ZNF608: variants seen among roughly 807,000 people sequenced by gnomAD.
ZNF608 encodes the protein renal carcinoma antigen NY-REN-36.
ZNF608 carries 12 observed loss-of-function variants against 109.0 expected under a neutral mutation model. The ratio of observed to expected loss-of-function variants is 0.11; its 90% CI spans 0.07 to 0.18. The LOEUF (loss-of-function observed/expected upper bound fraction) is 0.18, where lower values mean the gene tolerates loss of function less well. ZNF608 is among the 10% of genes least tolerant of loss of function. The pLI is 1.00. For synonymous variants in ZNF608, 732 were observed against 717.4 expected (o/e 1.02, Z -0.33); for missense variants, 1,707 against 1,879.3 (o/e 0.91, Z 1.70).
intron 3 of ZNF608, among the ~76,000 whole-genome samples, chr5:124,698,275 A>G (rs1343829258): frequency 6.6e-6 from 1 of 152,236 alleles, no homozygotes; most frequent in African/African-American, 2.4e-5. Flanking sequence ...CTTTAAACAC[A>G]CTATAGTGAG....
chr5:124,644,679 A>G lies in ZNF608; in HGVS notation c.3706-18T>C, dbSNP rs758996937. ...TCTGGGTCCTGATTTTTTTGTTTTA[A>G]AGAAAAAAAACCCAACAGATTTGTT... On this transcript the variant is annotated intron_variant, in intron 5 of 9. Transcript: ENST00000513986. 6.6e-7 allele frequency: 1 copy of G among 1,521,126 alleles called. No homozygotes were observed. Among genetic ancestry groups the G allele is most frequent in the African/African-American group, 1.4e-5 (1 of 71,608 alleles). The allele number at this position is 1,521,126 out of a possible 1,614,324, so 94.2% of individuals were successfully genotyped here.
intron 3 of ZNF608, among the ~76,000 whole-genome samples, chr5:124,678,087 T>C (rs1349231453): frequency 6.6e-6 from 1 of 152,122 alleles, no homozygotes; most frequent in Admixed American, 6.5e-5. Context: ...TGACTAGAAG[T>C]TTGTTCAAAT....
intron 2 of ZNF608, among the ~76,000 whole-genome samples, chr5:124,721,974 A>AAAAAAAAAAAAAAAAAAAAAAAC (rs1753938614): frequency 7.1e-6 from 1 of 139,972 alleles, no homozygotes; most frequent in Admixed American, 7.4e-5. Context: ...AAAAAAAAAG[A>AAAAAAAAAAAAAAAAAAAAAAAC]ACTCAAAGCC....
chr5:124,690,804 C>T (rs1386289929), intron 3 of ZNF608, among the ~76,000 whole-genome samples: 3 of 151,872 alleles, frequency 2.0e-5, no homozygotes, highest in African/African-American at 7.3e-5. Flanking sequence ...TAAAAAGATT[C>T]CACAGAGTAA....
intron 2 of ZNF608, chr5:124,710,559 C>A (rs1370123093): frequency 4.6e-6 from 1 of 218,370 alleles, no homozygotes; most frequent in Non-Finnish European, 9.4e-6. Flanking sequence ...ACTCCCTGTA[C>A]AGGACACTAT....
intron 3 of ZNF608, among the ~76,000 whole-genome samples, chr5:124,680,893 G>C (rs1313502606): frequency 6.6e-6 from 1 of 151,854 alleles, no homozygotes; most frequent in East Asian, 1.9e-4. Context: ...AACTACATGA[G>C]GGAAATGAAA....
At chr5:124,683,034 CT>C (rs1580614674) in intron 3 of ZNF608, among the ~76,000 whole-genome samples, 5 of 152,174 alleles carry the variant, frequency 3.3e-5, no homozygotes, top group Non-Finnish European at 7.4e-5. Flanking sequence ...CTCTCTCTCT[CT>C]CTCCCCCTCT....
intron 3 of ZNF608, among the ~76,000 whole-genome samples, chr5:124,690,971 CA>C (rs1226591116): frequency 7.3e-6 from 1 of 136,578 alleles, no homozygotes; most frequent in East Asian, 2.2e-4. Flanking sequence ...GAAAAGTGTG[CA>C]AAATTTTTTA....
chr5:124,710,149 A>G (rs1169238349), intron 2 of ZNF608: 1 of 439,494 alleles, frequency 2.3e-6, no homozygotes, highest in South Asian at 1.7e-5. Flanking sequence ...TTAGGTTGAA[A>G]TCAGGGAAAG....
intron 3 of ZNF608, among the ~76,000 whole-genome samples, chr5:124,689,899 T>C (rs1015140162): frequency 5.3e-5 from 8 of 152,238 alleles, no homozygotes; most frequent in Non-Finnish European, 1.2e-4. Flanking sequence ...TTAAAAACTT[T>C]ATGTCCACAC....
chr5:124,741,050 G>A (rs1749373733), intron 2 of ZNF608, among the ~76,000 whole-genome samples: 1 of 152,100 alleles, frequency 6.6e-6, no homozygotes, highest in Non-Finnish European at 1.5e-5. Flanking sequence ...ACAACCAAAA[G>A]CCAACCCATC....
chr5:124,747,174 T>C (rs950528198), upstream of ZNF608, among the ~76,000 whole-genome samples: 1 of 151,804 alleles, frequency 6.6e-6, no homozygotes, highest in African/African-American at 2.4e-5. Flanking sequence ...TTTTCTTTTT[T>C]TTTTTTTTTA....
chr5:124,648,377 T>A lies in ZNF608; in HGVS notation c.2007A>T (p.Glu669Asp), dbSNP rs1395833178. The A allele has an allele frequency of 6.2e-7, 1 of 1,614,164 alleles. No homozygotes were observed. Among genetic ancestry groups the A allele is most frequent in the East Asian group, 2.2e-5 (1 of 44,870 alleles). Residue 669 changes from glutamate to aspartate, a missense_variant, in exon 5 of 10, where the codon GAA becomes GAT. By Grantham distance (45) the Glu-to-Asp change is conservative. This residue lies in a region of ZNF608 where 1,073 missense variants were observed against 1,133.5 expected (regional missense o/e 0.95). Transcript: ENST00000513986. ...TGGAGATTACTGGAAGGTTGTTCAG[T>A]TCATTGTTAAGGCCCTTCTTTTTGC... Reference protein sequence around the residue: ...NSGKKKGLNNELNNLPVISNM... With the variant: ...NSGKKKGLNNDLNNLPVISNM...
At position 124,745,178 on chromosome 5, in the gene ZNF608, A is replaced by G; in HGVS notation, c.-183-6T>C. The G allele has an allele frequency of 1.4e-6, 2 of 1,394,414 alleles. No homozygotes were observed. Among genetic ancestry groups the G allele is most frequent in the Non-Finnish European group, 1.8e-6 (2 of 1,085,074 alleles). 86.4% of individuals were successfully genotyped at this position (1,394,414 alleles called of 1,614,324 possible). On this transcript the variant is annotated splice_polypyrimidine_tract_variant and splice_region_variant and intron_variant, in intron 1 of 9. Transcript: ENST00000513986. ...CAGTCCAGGTCCACCTTTTCCTGTG[A>G]AGGGGGGGGGAAAAGTCGAATATTT...
At chr5:124,715,423 C>T (rs1753651700) in intron 2 of ZNF608, among the ~76,000 whole-genome samples, 1 of 152,160 alleles carries the variant, frequency 6.6e-6, no homozygotes, top group Non-Finnish European at 1.5e-5. Context: ...ACAGAGCTTG[C>T]CATATCTGCA....
At chr5:124,738,641 C>T (rs1369483421) in intron 2 of ZNF608, among the ~76,000 whole-genome samples, 1 of 152,216 alleles carries the variant, frequency 6.6e-6, no homozygotes, top group African/African-American at 2.4e-5. Flanking sequence ...AAAACATACA[C>T]TCCAAGTCAG....
intron 3 of ZNF608, among the ~76,000 whole-genome samples, chr5:124,677,378 C>T (rs1387619667): frequency 2.6e-5 from 4 of 152,162 alleles, no homozygotes; most frequent in African/African-American, 4.8e-5. Context: ...CGAGAACTCT[C>T]CTCTTCTCCT....
At chr5:124,704,745 C>T (rs1753191101) in intron 2 of ZNF608, among the ~76,000 whole-genome samples, 1 of 152,122 alleles carries the variant, frequency 6.6e-6, no homozygotes, top group African/African-American at 2.4e-5. Context: ...CTTGCCCAAC[C>T]AGAGAATGCT....
chr5:124,696,053 G>A (rs113537435), intron 3 of ZNF608, among the ~76,000 whole-genome samples: 64 of 151,962 alleles, frequency 4.2e-4, no homozygotes, highest in Middle Eastern at 3.4e-3. Context: ...GTGTGGTGGC[G>A]CATGCCTGTA....
Sources: allele counts gnomAD v4.1 joint callset (sites outside exome capture counted in the v4.1 genomes callset), GRCh38; gene constraint gnomAD v4.1.1; regional missense constraint gnomAD v4.1.1; transcripts MANE v1.5; gene names NCBI Gene and HGNC (gene_info 2026-07-23, HGNC 2026-07-21).